RGS6: variants seen among roughly 807,000 people sequenced by gnomAD.
RGS6 encodes the protein regulator of G-protein signaling 6.
RGS6 carries 30 observed loss-of-function variants against 78.5 expected under a neutral mutation model. The observed-to-expected ratio is 0.38, with a 90% CI of 0.29 to 0.52. The LOEUF is 0.52. Among genes scored for constraint, RGS6 ranks in the 20% least tolerant of loss-of-function variants. The pLI is 0.85. For synonymous variants in RGS6, 206 were observed against 206.0 expected, an observed-to-expected ratio of 1.00 and a Z score of 0.00; for missense variants, 495 against 609.7, an observed-to-expected ratio of 0.81 and a Z score of 1.98.
intron 2 of RGS6, among the ~76,000 whole-genome samples, chr14:72,258,292 C>T (rs561437155): frequency 1.5e-3 from 222 of 152,330 alleles, no homozygotes; most frequent in Non-Finnish European, 2.7e-3. Flanking sequence ...TGTAGTGTGT[C>T]CACATGTTAG....
the RGS6 span, among the ~76,000 whole-genome samples, chr14:72,628,557 C>T: frequency 3.6e-4 from 55 of 152,072 alleles, no homozygotes; most frequent in African/African-American, 1.2e-3. Flanking sequence ...ATAGATGCTA[C>T]CTTTACAAAA....
intron 2 of RGS6, among the ~76,000 whole-genome samples, chr14:71,966,332 T>C (rs1400849181): frequency 6.6e-6 from 1 of 152,208 alleles, no homozygotes; most frequent in African/African-American, 2.4e-5. Context: ...AGTGTAAGAT[T>C]CTGTAATTCT....
intron 17 of RGS6, among the ~76,000 whole-genome samples, chr14:72,543,662 C>G (rs2097355157): frequency 6.6e-6 from 1 of 152,190 alleles, no homozygotes; most frequent in Admixed American, 6.5e-5. Flanking sequence ...GTCTAGCCTG[C>G]CACTCTCTGC....
chr14:72,166,516 A>T (rs2096930432), intron 2 of RGS6, among the ~76,000 whole-genome samples: 1 of 152,218 alleles, frequency 6.6e-6, no homozygotes, highest in African/African-American at 2.4e-5. Flanking sequence ...GGAATTTTCT[A>T]GATGGAGAAG....
intron 2 of RGS6, among the ~76,000 whole-genome samples, chr14:71,993,274 A>G (rs771932412): frequency 3.2e-4 from 48 of 151,998 alleles, no homozygotes; most frequent in Admixed American, 2.5e-3. Context: ...ATGGCAACAC[A>G]TCTTAGCTGC....
intron 2 of RGS6, among the ~76,000 whole-genome samples, chr14:72,105,839 T>G (rs1002429173): frequency 6.6e-6 from 1 of 152,192 alleles, no homozygotes; most frequent in African/African-American, 2.4e-5. Context: ...TAGAGTGAGT[T>G]GTTCTTTAAA....
At chr14:72,455,944 C>A (rs182800144) in intron 4 of RGS6, among the ~76,000 whole-genome samples, 1 of 152,324 alleles carries the variant, frequency 6.6e-6, no homozygotes, top group East Asian at 1.9e-4. Context: ...CGTTGTATTT[C>A]TGACATATAT....
At chr14:72,536,753 G>A (rs1698451397) in intron 16 of RGS6, among the ~76,000 whole-genome samples, 1 of 152,136 alleles carries the variant, frequency 6.6e-6, no homozygotes, top group South Asian at 2.1e-4. Context: ...TCAGTTTCAA[G>A]AGCACAATCA....
intron 2 of RGS6, among the ~76,000 whole-genome samples, chr14:72,032,424 A>G (rs2091042285): frequency 6.6e-6 from 1 of 152,192 alleles, no homozygotes; most frequent in Non-Finnish European, 1.5e-5. Flanking sequence ...GATTATCAAT[A>G]AGACTGGGTA....
At chr14:71,867,611 G>A in the RGS6 span, among the ~76,000 whole-genome samples, 56,605 of 152,072 alleles carry the variant, frequency 0.37, 11,782 homozygotes, top group Non-Finnish European at 0.46. Context: ...ACATGGGAAT[G>A]TCTTCGAGAG....
chr14:72,593,710 T>G, the RGS6 span, among the ~76,000 whole-genome samples: 1 of 152,294 alleles, frequency 6.6e-6, no homozygotes, highest in Non-Finnish European at 1.5e-5. Context: ...TTATATCCAC[T>G]GTATAACTCT....
intron 3 of RGS6, among the ~76,000 whole-genome samples, chr14:72,355,698 CA>C (rs1280531426): frequency 2.0e-5 from 3 of 151,994 alleles, no homozygotes; most frequent in African/African-American, 7.3e-5. Flanking sequence ...ATAAAATACA[CA>C]AAAGGATGGG....
At chr14:72,617,542 C>T in the RGS6 span, among the ~76,000 whole-genome samples, 1 of 152,108 alleles carries the variant, frequency 6.6e-6, no homozygotes. Context: ...TTAAATGAGA[C>T]CATTATGTAT....
chr14:72,012,221 A>C (rs2085913063), intron 2 of RGS6, among the ~76,000 whole-genome samples: 1 of 152,334 alleles, frequency 6.6e-6, no homozygotes, highest in Non-Finnish European at 1.5e-5. Flanking sequence ...AATTTAGACA[A>C]GCAAAAGTTA....
At chr14:72,422,882 A>C (rs1018105595) in intron 3 of RGS6, among the ~76,000 whole-genome samples, 4 of 152,238 alleles carry the variant, frequency 2.6e-5, no homozygotes, top group Non-Finnish European at 4.4e-5. Context: ...GAGGATGCTC[A>C]GCAGCAGAGC....
chr14:72,345,130 A>G (rs1442428369), intron 2 of RGS6, among the ~76,000 whole-genome samples: 1 of 152,172 alleles, frequency 6.6e-6, no homozygotes, highest in Admixed American at 6.5e-5. Context: ...TTTTCCTGAT[A>G]AAAGGAATGA....
In RGS6 at chr14:72,340,214, T is replaced by C. The variant is rs186282083; in HGVS notation, c.85-11881T>C. 7.2e-5 allele frequency among the ~76,000 whole-genome samples: 11 copies of C among 152,292 alleles called. No homozygotes were observed. In the East Asian group the frequency reaches 2.1e-3, roughly 29 times the overall value. On this transcript the variant is annotated intron_variant, in intron 2 of 17. Transcript: ENST00000553525. ...GGAGAGTTCTCTACACTACAATTTA[T>C]CTCAGTATCCCTCCCCAGCTGGTGG...
chr14:72,014,181 C>G (rs1014915530), intron 2 of RGS6, among the ~76,000 whole-genome samples: 1 of 152,156 alleles, frequency 6.6e-6, no homozygotes, highest in Non-Finnish European at 1.5e-5. Context: ...ACTCCTAGGG[C>G]GTTCTCAGTG....
intron 3 of RGS6, among the ~76,000 whole-genome samples, chr14:72,370,234 A>G (rs894338305): frequency 6.6e-6 from 1 of 152,116 alleles, no homozygotes; most frequent in Non-Finnish European, 1.5e-5. Flanking sequence ...TGCTAACATA[A>G]ACATCCATAG....
Sources: gnomAD v4.1 joint callset for allele counts (sites outside exome capture counted in the v4.1 genomes callset) on GRCh38, gnomAD v4.1.1 for gene constraint, MANE v1.5 for transcripts, NCBI Gene and HGNC (gene_info 2026-07-23, HGNC 2026-07-21) for gene names.